CYP2W1: variants seen among roughly 807,000 people sequenced by gnomAD.
CYP2W1 encodes cytochrome P450 family 2 subfamily W member 1, also known as cytochrome P450 2W1.
A neutral mutation model predicts 44.9 loss-of-function variants in CYP2W1; 51 were observed. The ratio of observed to expected loss-of-function variants is 1.14; its 90% CI spans 0.91 to 1.43. The LOEUF (loss-of-function observed/expected upper bound fraction) is 1.43, where lower values mean the gene tolerates loss of function less well. Ranked by LOEUF, CYP2W1 falls within the 40% of genes most tolerant of loss-of-function variation. The pLI, the probability that CYP2W1 is intolerant of heterozygous loss-of-function variation, is 0.00. For synonymous variants in CYP2W1, 383 were observed against 338.3 expected (o/e 1.13, Z -1.45); for missense variants, 746 against 700.0 (o/e 1.07, Z -0.74).
At chr7:984,346 C>T in intron 1 of CYP2W1, 66 bp from the exon 2 acceptor site, 2 of 1,478,658 alleles carry the variant, frequency 1.4e-6, no homozygotes, top group Non-Finnish European at 1.8e-6. Context: ...CAGGCCCGGC[C>T]TGAGGGGACC....
chr7:987,271 G>T (rs950953455), intron 6 of CYP2W1, 26 bp downstream of exon 6: 2 of 1,504,970 alleles, frequency 1.3e-6, no homozygotes, highest in African/African-American at 1.4e-5. Context: ...CTGGCGAGAC[G>T]GCTCCTTCTG....
In CYP2W1 at chr7:983,244, C is replaced by T. The variant is rs1848054759; in HGVS notation, c.33C>T (p.Leu11=). The stretch of plus-strand genomic sequence containing the variant: ...TGCTGCTCTTGCTGTTCCTGGGCCT[C>T]CTGGGGCTCTGGGGGCTGCTCTGCG... MALLLLLFLG[L]LGLWGLLCAC... The change falls in exon 1 of 9, where the codon CTC becomes CTT. Residue 11 remains leucine, a synonymous_variant. Transcript: ENST00000308919. 7 of 1,533,178 alleles carry T rather than the reference C, an allele frequency of 4.6e-6. No individual in the cohort carries two copies. The highest frequency in any genetic ancestry group is 6.2e-6 in the Non-Finnish European group (7 of 1,136,628). The allele number at this position is 1,533,178 out of a possible 1,614,324, so 95.0% of individuals were successfully genotyped here.
Position 983,729 on chromosome 7 carries a change from C to T in CYP2W1, c.174+344C>T, listed in dbSNP as rs183065746. Among the ~76,000 whole-genome samples, 410 of 152,338 alleles carry T rather than the reference C, an allele frequency of 2.7e-3. 2 individuals carry two copies. The highest frequency in any genetic ancestry group is 4.3e-3 in the Non-Finnish European group (291 of 68,018). On this transcript the variant is annotated intron_variant, in intron 1 of 8. Coordinates refer to ENST00000308919, the MANE Select transcript of CYP2W1 (RefSeq NM_017781.3). ...AGAGGGGAGGAGGGCCTGGGCCTGT[C>T]GGCTGCCTGCTCAGCCCCCCTCGGC...
At chr7:986,835 G>C in intron 5 of CYP2W1, 38 bp downstream of exon 5, 1 of 1,476,232 alleles carries the variant, frequency 6.8e-7, no homozygotes, top group South Asian at 1.4e-5. Flanking sequence ...AGGCCTGTAG[G>C]GGTCCTGAGG....
Position 985,088 on chromosome 7 carries a change from A to G in CYP2W1, c.476A>G (p.Asp159Gly). Reference protein sequence around the residue: ...QELKCLSGQLDGYRGRPFPLA... With the variant: ...QELKCLSGQLGGYRGRPFPLA... ...CTGAAATGCCTCTCTGGGCAGCTGG[A>G]TGGCTACAGAGGTGAGCAGGGGGCC... is the stretch of plus-strand genomic sequence containing the variant. The change falls in exon 3 of 9, where the codon GAT becomes GGT. Residue 159 changes from aspartate to glycine, a missense_variant. Asp to Gly is a moderately conservative substitution (Grantham distance 94, BLOSUM62 -1). Coordinates refer to ENST00000308919, the MANE Select transcript of CYP2W1 (RefSeq NM_017781.3). 1 of 1,612,184 alleles carries G rather than the reference A, an allele frequency of 6.2e-7. No individual in the cohort carries two copies. The highest frequency in any genetic ancestry group is 8.5e-7 in the Non-Finnish European group (1 of 1,179,688).
chr7:984,364 G>A, intron 1 of CYP2W1, 48 bp from the exon 2 acceptor site: 1 of 1,536,560 alleles, frequency 6.5e-7, no homozygotes, highest in Non-Finnish European at 8.7e-7. Flanking sequence ...ACCTAAGGGG[G>A]GTCTTGTGGG....
rs1167544388 is a variant in CYP2W1 at position 988,399 on chromosome 7, C to T, written c.1266C>T (p.Ala422=). 6.2e-7 allele frequency: 1 copy of T among 1,612,650 alleles called. No individual in the cohort carries two copies. The highest frequency in any genetic ancestry group is 8.5e-7 in the Non-Finnish European group (1 of 1,179,840). The change falls in exon 8 of 9, where the codon GCC becomes GCT. Residue 422 remains alanine (A), a synonymous_variant. Coordinates refer to ENST00000308919, the MANE Select transcript of CYP2W1 (RefSeq NM_017781.3). Reference sequence around the variant, plus strand: ...ATGGGCACTTTGTGAAGCGGGAGGCCTTCCTGCCTTTCTCTGCAGGTCAGC... The same window carrying T: ...ATGGGCACTTTGTGAAGCGGGAGGCTTTCCTGCCTTTCTCTGCAGGTCAGC... The part of the protein sequence containing the change: ...DANGHFVKRE[A]FLPFSAGRRV...
chr7:989,017 C>A lies in CYP2W1; in HGVS notation c.*195C>A, dbSNP rs1172660416. The A allele has an allele frequency of 5.4e-6, 3 of 552,448 alleles. No homozygotes were observed. The Admixed American group carries it at 9.2e-5, about 17-fold the overall frequency. 34.2% of individuals were successfully genotyped at this position (552,448 alleles called of 1,614,324 possible). A position where few individuals can be genotyped will look rare whatever the true frequency, so the allele number is the denominator to read the frequency against. ...CTACCCCTGCCCGACCCTGTGGGAC[C>A]CCCACCCCTCTGATGCTGTCTGCAG... is the stretch of plus-strand genomic sequence containing the variant. On this transcript the variant is annotated 3_prime_UTR_variant, in exon 9 of 9. Coordinates refer to ENST00000308919, the MANE Select transcript of CYP2W1 (RefSeq NM_017781.3).
Position 983,274 on chromosome 7 carries a change from C to T in CYP2W1, c.63C>T (p.Cys21=), listed in dbSNP as rs951345172. The T allele has an allele frequency of 1.8e-5, 28 of 1,543,848 alleles. No homozygotes were observed. In the South Asian group the frequency reaches 2.2e-4, roughly 12 times the overall value. ...LLGLWGLLCA[C]AQDPSPAARW... is the part of the protein sequence containing the mutation. The stretch of plus-strand genomic sequence containing the variant: ...GGCTCTGGGGGCTGCTCTGCGCCTG[C>T]GCCCAAGACCCCTCCCCAGCTGCCC... The change falls in exon 1 of 9, where the codon TGC becomes TGT. Residue 21 remains cysteine (C), a synonymous_variant. Transcript: ENST00000308919.
chr7:986,271 C>T (rs538017624), intron 4 of CYP2W1: 46 of 247,406 alleles, frequency 1.9e-4, no homozygotes, highest in African/African-American at 1.0e-3. Flanking sequence ...GGCTCAGTGG[C>T]GGCCCTGACT....
rs766819600 is a variant in CYP2W1 at position 988,455 on chromosome 7, C to A, written c.1285+37C>A. The A allele has an allele frequency of 6.2e-6, 10 of 1,610,078 alleles. No homozygotes were observed. The South Asian group carries it at 7.7e-5, about 12-fold the overall frequency. ...TCGGGGCCGGGGTGGGGCGGCACCT[C>A]CAGGGCTCCAGGGGTGGGACGGCCC... On this transcript the variant is annotated intron_variant, in intron 8 of 8. Transcript: ENST00000308919.
rs1436961885 is a variant in CYP2W1, at chr7:985,013, A to C, written c.401A>C (p.His134Pro). ...CGCCAGTTCACGGTGCGTGCCCTGC[A>C]CAGCCTGGGCGTGGGCCGGGAGCCG... ...AARQFTVRAL[H>P]SLGVGREPVA... The change falls in exon 3 of 9, where the codon CAC becomes CCC. Residue 134 changes from histidine to proline, a missense_variant. By Grantham distance (77) the His-to-Pro change is moderately conservative (BLOSUM62 -2). Transcript: ENST00000308919. 1 of 1,611,816 alleles carries C rather than the reference A, an allele frequency of 6.2e-7. No homozygotes were observed. The highest frequency in any genetic ancestry group is 8.5e-7 in the Non-Finnish European group (1 of 1,179,820).
At chr7:987,075 C>G in intron 5 of CYP2W1, 32 bp from the exon 6 acceptor site, 1 of 1,478,652 alleles carries the variant, frequency 6.8e-7, no homozygotes, top group Non-Finnish European at 9.0e-7. Context: ...GACCCCAGAT[C>G]ATCCCACGAG....
At position 985,225 on chromosome 7, in the gene CYP2W1, C is replaced by T. The variant is rs117826462; in HGVS notation, c.547C>T (p.Leu183Phe). 1.9e-6 allele frequency: 3 copies of T among 1,554,164 alleles called. No homozygotes were observed. Among genetic ancestry groups the T allele is most frequent in the Admixed American group, 2.0e-5 (1 of 51,178 alleles). Reference protein sequence around the residue: ...WAPSNITFALLFGRRFDYRDP... With the variant: ...WAPSNITFALFFGRRFDYRDP... The stretch of plus-strand genomic sequence containing the variant: ...TCCCTCCAATATCACCTTCGCGCTC[C>T]TCTTCGGCCGCCGATTTGACTACCG... Residue 183 changes from leucine (L) to phenylalanine (F), a missense_variant, in exon 4 of 9, where the codon CTC (leucine) becomes TTC (phenylalanine). Physicochemically the swap from Leu to Phe is conservative, Grantham distance 22. Transcript: ENST00000308919.
rs763125088 is a variant in CYP2W1, at chr7:987,528, C to T, written c.1140C>T (p.Pro380=). 6.6e-7 allele frequency: 1 copy of T among 1,519,880 alleles called. No homozygotes were observed. The highest frequency in any genetic ancestry group is 1.2e-5 in the South Asian group (1 of 83,198). 94.1% of individuals were successfully genotyped at this position (1,519,880 alleles called of 1,614,324 possible). The change falls in exon 7 of 9, where the codon CCC becomes CCT. Residue 380 remains proline (P), a synonymous_variant. Transcript: ENST00000308919. ...CACAGCTGGGCGGCTTCCTGCTCCC[C>T]AAGGTGGGGCTGGGCCTCCCTTGCC... ...ADTQLGGFLL[P]KGTPVIPLLT...
Position 987,369 on chromosome 7 carries a change from C to T in CYP2W1, c.981C>T (p.Asp327=), listed in dbSNP as rs1053344338. The change falls in exon 7 of 9, where the codon GAC becomes GAT. Residue 327 remains aspartate, a synonymous_variant. Coordinates refer to ENST00000308919, the MANE Select transcript of CYP2W1 (RefSeq NM_017781.3). The part of the protein sequence containing the change: ...DVQGRVQEEL[D]RVLGPGRTPR... ...CAGGCCGGGTGCAGGAGGAGCTAGA[C>T]CGCGTGCTGGGCCCTGGGCGGACTC... is the stretch of plus-strand genomic sequence containing the variant. 20 of 1,591,662 alleles carry T rather than the reference C, an allele frequency of 1.3e-5. No homozygotes were observed. In the Admixed American group the frequency reaches 1.9e-4, roughly 15 times the overall value.
rs62433131 is a variant in CYP2W1 at position 989,557 on chromosome 7, A to C, written c.*735A>C. 25,363 of 152,976 alleles carry C rather than the reference A, an allele frequency of 0.17. 2,236 individuals carry two copies. The highest frequency in any genetic ancestry group is 0.23 in the Admixed American group (3,512 of 15,386). The allele number at this position is 152,976 out of a possible 1,614,324, so 9.5% of individuals were successfully genotyped here. On this transcript the variant is annotated 3_prime_UTR_variant, in exon 9 of 9. Coordinates refer to ENST00000308919, the MANE Select transcript of CYP2W1 (RefSeq NM_017781.3). ...GCACTTTGGGAGGCCGAGGCAGGCG[A>C]ATCACGAGGTCAGGAGTTCGAGACC...
Position 987,125 on chromosome 7 carries a change from C to A in CYP2W1, c.838C>A (p.Leu280Met), listed in dbSNP as rs535590454. 7 of 1,565,404 alleles carry A rather than the reference C, an allele frequency of 4.5e-6. No individual in the cohort carries two copies. The highest frequency in any genetic ancestry group is 1.4e-5 in the African/African-American group (1 of 73,528). ...TCTGCAGGGGGATGACCCCGAGGGC[C>A]TGTTTGCTGAGGCCAACGCGGTGGC... ...QQGQGDDPEG[L>M]FAEANAVACT... Residue 280 changes from leucine (L) to methionine (M), a missense_variant, in exon 6 of 9, where the codon CTG becomes ATG. By Grantham distance (15) the Leu-to-Met change is conservative. Transcript: ENST00000308919.
chr7:984,122 A>G (rs1467409318), intron 1 of CYP2W1, among the ~76,000 whole-genome samples: 2 of 152,132 alleles, frequency 1.3e-5, no homozygotes, highest in Admixed American at 6.5e-5. Context: ...CCAGCCCCCG[A>G]CCTTGCCGCC....
Sources: allele counts gnomAD v4.1 joint callset (sites outside exome capture counted in the v4.1 genomes callset), GRCh38; gene constraint gnomAD v4.1.1; transcripts MANE v1.5; gene names NCBI Gene and HGNC (gene_info 2026-07-23, HGNC 2026-07-21).